The following GLI2 variants were observed in gnomAD, a reference collection of about 807,000 sequenced individuals.
GLI2 encodes transcription activator GLI2.
In GLI2, 22 loss-of-function variants were observed where a neutral mutation model predicts 78.9. The observed-to-expected ratio is 0.28, with a 90% CI of 0.20 to 0.40. The LOEUF (loss-of-function observed/expected upper bound fraction) is 0.40. GLI2 is among the 10% of genes least tolerant of loss of function. The probability of loss-of-function intolerance (pLI) is 1.00; values close to 1 mark genes in which losing one functional copy is unlikely to be tolerated. For missense variants in GLI2, 2,097 were observed against 2,213.2 expected, an observed-to-expected ratio of 0.95 and a Z score of 1.05; for synonymous variants, 974 against 963.7, an observed-to-expected ratio of 1.01 and a Z score of -0.20.
chr2:120,939,411 C>T (rs1271922342), intron 3 of GLI2, among the ~76,000 whole-genome samples: 1 of 152,236 alleles, frequency 6.6e-6, no homozygotes, highest in Non-Finnish European at 1.5e-5. Context: ...GCTCCCCAAT[C>T]TCCTGCCTCA....
At chr2:120,926,072 CAAA>C (rs35224973) in intron 2 of GLI2, among the ~76,000 whole-genome samples, 1 of 63,234 alleles carries the variant, frequency 1.6e-5, no homozygotes, top group South Asian at 9.1e-4. Context: ...GACTCCGTCT[CAAA>C]AAAAAAAAAA....
chr2:120,778,262 A>G (rs1388052046), intron 1 of GLI2, among the ~76,000 whole-genome samples: 1 of 151,966 alleles, frequency 6.6e-6, no homozygotes, highest in Non-Finnish European at 1.5e-5. Flanking sequence ...ATGCCCAATT[A>G]TTTGGCAGCC....
chr2:120,900,780 C>T (rs536958335), intron 2 of GLI2, among the ~76,000 whole-genome samples: 4 of 152,302 alleles, frequency 2.6e-5, no homozygotes, highest in African/African-American at 4.8e-5. Context: ...GCGGTTTGCT[C>T]AGGATGGTAG....
At chr2:120,782,608 G>A (rs1173806238) in intron 1 of GLI2, among the ~76,000 whole-genome samples, 2 of 152,174 alleles carry the variant, frequency 1.3e-5, no homozygotes, top group Non-Finnish European at 2.9e-5. Context: ...CCATCCCTGG[G>A]AGGATATTCA....
chr2:120,756,571 T>C (rs1293772074), intron 1 of GLI2, among the ~76,000 whole-genome samples: 1 of 152,190 alleles, frequency 6.6e-6, no homozygotes, highest in Non-Finnish European at 1.5e-5. Flanking sequence ...AGAGTTCTTA[T>C]TCTTATCTTG....
intron 4 of GLI2, among the ~76,000 whole-genome samples, chr2:120,954,679 G>T (rs764376610): frequency 6.6e-6 from 1 of 152,064 alleles, no homozygotes; most frequent in South Asian, 2.1e-4. Flanking sequence ...TTTCATCCTC[G>T]CTGCATCTTT....
At position 120,986,562 on chromosome 2, in the gene GLI2, C is replaced by T. The variant is rs576659265; in HGVS notation, c.2190C>T (p.Ala730=). 9.3e-6 allele frequency: 15 copies of T among 1,614,102 alleles called. No homozygotes were observed. Among genetic ancestry groups the T allele is most frequent in the Middle Eastern group, 1.7e-4 (1 of 6,056 alleles). Residue 730 remains alanine (A), a synonymous_variant, in exon 13 of 14, where the codon GCC becomes GCT. Transcript: ENST00000361492. The part of the protein sequence containing the change: ...LKSLKDSCSW[A]GPTPHTRNTK... ...CACTCAAGGATTCCTGCTCATGGGC[C>T]GGGCCGACTCCACACACGCGGAACA...
At chr2:120,843,944 G>A (rs1297317320) in intron 2 of GLI2, among the ~76,000 whole-genome samples, 1 of 152,186 alleles carries the variant, frequency 6.6e-6, no homozygotes, top group East Asian at 1.9e-4. Flanking sequence ...TGGGATTACA[G>A]GCGTGAGACA....
chr2:120,887,566 C>G (rs926527844), intron 2 of GLI2, among the ~76,000 whole-genome samples: 2 of 152,234 alleles, frequency 1.3e-5, no homozygotes, highest in East Asian at 1.9e-4. Context: ...TCAAAAGAGG[C>G]GGTGCACACA....
rs1683246897 is a variant in GLI2, at chr2:120,990,489, C to T, written c.4524C>T (p.Phe1508=). The change falls in exon 14 of 14, where the codon TTC becomes TTT. Residue 1508 remains phenylalanine (F), a synonymous_variant. Transcript: ENST00000361492. ...ATGATGGCGATCACTCGAGTTTGTT[C>T]TCGGGTGCTCTGAGCCCCAGCCTCC... The part of the protein sequence containing the change: ...IMDDGDHSSL[F]SGALSPSLLH... The T allele has an allele frequency of 1.2e-6, 2 of 1,613,998 alleles. No homozygotes were observed. The highest frequency in any genetic ancestry group is 1.7e-5 in the Admixed American group (1 of 60,014).
At chr2:120,972,745 G>T (rs1682250594) in intron 8 of GLI2, 1 of 507,450 alleles carries the variant, frequency 2.0e-6, no homozygotes, top group East Asian at 5.6e-5. Context: ...CGTGGTGAGG[G>T]GGGAAGACAG....
Position 120,986,512 on chromosome 2 carries a change from C to T in GLI2, c.2140C>T (p.Gln714Ter). Residue 714 changes from glutamine to a stop codon, truncating the protein, a stop_gained, in exon 13 of 14, where the codon CAG becomes TAG. Transcript: ENST00000361492. LOFTEE classifies it high-confidence loss of function. ...KHMTTMHRFE[Q>*]LKKEKLKSLK... The stretch of plus-strand genomic sequence containing the variant: ...CATGACCACCATGCACCGGTTCGAG[C>T]AGCTCAAGAAGGAGAAGCTCAAGTC... 1 of 1,614,150 alleles carries T rather than the reference C, an allele frequency of 6.2e-7. No homozygotes were observed. Among genetic ancestry groups the T allele is most frequent in the Non-Finnish European group, 8.5e-7 (1 of 1,180,052 alleles).
chr2:120,908,142 G>A (rs1369540670), intron 2 of GLI2, among the ~76,000 whole-genome samples: 1 of 152,176 alleles, frequency 6.6e-6, no homozygotes, highest in Admixed American at 6.5e-5. Context: ...TGATAGTGGG[G>A]ACTCTTATAG....
chr2:120,943,566 C>T (rs1017894042), intron 3 of GLI2, among the ~76,000 whole-genome samples: 9 of 152,206 alleles, frequency 5.9e-5, no homozygotes, highest in Non-Finnish European at 1.2e-4. Context: ...TGGGGGCATC[C>T]GGGTGCCTGT....
intron 2 of GLI2, among the ~76,000 whole-genome samples, chr2:120,846,576 C>T (rs992335699): frequency 2.0e-5 from 3 of 152,282 alleles, no homozygotes; most frequent in Non-Finnish European, 4.4e-5. Flanking sequence ...AGCCCCTGGT[C>T]GTGCCGAAGC....
At chr2:120,974,613 G>C (rs1001021677) in intron 8 of GLI2, among the ~76,000 whole-genome samples, 2 of 152,238 alleles carry the variant, frequency 1.3e-5, no homozygotes, top group Non-Finnish European at 2.9e-5. Context: ...CAAGAATGCA[G>C]ATGCCCATGC....
rs533447870 is a variant in GLI2 at position 120,789,169 on chromosome 2, T to C, written c.-30-8122T>C. On this transcript the variant is annotated intron_variant, in intron 1 of 13. Coordinates refer to ENST00000361492, the MANE Select transcript of GLI2 (RefSeq NM_001374353.1). ...GCCTCAGCCTCCTCAGTAGCTGGGA[T>C]TACAGGCGCCTGCCACCACACCTGG... Among the ~76,000 whole-genome samples, 22 of 151,806 alleles carry C rather than the reference T, an allele frequency of 1.4e-4. No individual in the cohort carries two copies. The South Asian group carries it at 4.4e-3, about 30-fold the overall frequency.
At chr2:120,802,190 CTGTTG>C (rs1684740057) in intron 2 of GLI2, among the ~76,000 whole-genome samples, 2 of 152,198 alleles carry the variant, frequency 1.3e-5, no homozygotes, top group Non-Finnish European at 2.9e-5. Context: ...GAGGTCGGAC[CTGTTG>C]GGGGCTGGGT....
intron 1 of GLI2, chr2:120,792,261 C>T (rs1454506361): frequency 3.3e-5 from 5 of 152,232 alleles, no homozygotes; most frequent in African/African-American, 9.6e-5. Context: ...TTTTCTGCGC[C>T]GTGGGCCCCT....
Sources: allele counts gnomAD v4.1 joint callset (sites outside exome capture counted in the v4.1 genomes callset), GRCh38; gene constraint gnomAD v4.1.1; transcripts MANE v1.5; gene names NCBI Gene and HGNC (gene_info 2026-07-23, HGNC 2026-07-21).